ENO4: variants seen among roughly 807,000 people sequenced by gnomAD.
The protein encoded by ENO4 is 2-phospho-D-glycerate hydro-lyase.
In ENO4, 53 loss-of-function variants were observed where a neutral mutation model predicts 63.2. That is an observed-to-expected ratio of 0.84 (90% CI 0.67 to 1.05). The LOEUF (loss-of-function observed/expected upper bound fraction) is 1.05. Ranked by LOEUF, ENO4 falls within the 50% of genes least tolerant of loss-of-function variation. The pLI is 0.00. For synonymous variants in ENO4, 266 were observed against 283.8 expected (o/e 0.94, Z 0.63); for missense variants, 719 against 772.0 (o/e 0.93, Z 0.81).
intron 1 of ENO4, among the ~76,000 whole-genome samples, chr10:116,853,294 CAA>C (rs56885650): frequency 5.2e-5 from 5 of 96,812 alleles, no homozygotes; most frequent in Admixed American, 1.2e-4. Flanking sequence ...GACTCCGTCT[CAA>C]AAAAAAAAAA....
chr10:116,853,585 A>G (rs1004294570), intron 1 of ENO4, among the ~76,000 whole-genome samples: 2 of 152,214 alleles, frequency 1.3e-5, no homozygotes, highest in Admixed American at 6.5e-5. Flanking sequence ...TAAGCACTTC[A>G]AAAATGTTAG....
rs1444878759 is a variant in ENO4, at chr10:116,876,218, A to G, written c.1495A>G (p.Thr499Ala). 2 of 1,549,522 alleles carry G rather than the reference A, an allele frequency of 1.3e-6. No homozygotes were observed. The highest frequency in any genetic ancestry group is 1.2e-5 in the South Asian group (1 of 83,682). The change falls in exon 11 of 14, where the codon ACT becomes GCT. Residue 499 changes from threonine to alanine, a missense_variant. By Grantham distance (58) the Thr-to-Ala change is moderately conservative (BLOSUM62 0). Coordinates refer to ENST00000341276, the MANE Select transcript of ENO4 (RefSeq NM_001242699.2). Reference protein sequence around the residue: ...NGLIIKHTNQTTMSDLVEITN... With the variant: ...NGLIIKHTNQATMSDLVEITN... ...GCTGATCATAAAACACACAAACCAA[A>G]CTACAATGTCTGACTTGGTGGAAAT... is the stretch of plus-strand genomic sequence containing the variant.
At position 116,908,555 on chromosome 10, in the gene ENO4, A is replaced by T. The variant is rs112098201; in HGVS notation, c.1195-2944A>T. Among the ~76,000 whole-genome samples, 806 of 152,330 alleles carry T rather than the reference A, an allele frequency of 5.3e-3. 7 individuals carry two copies. The highest frequency in any genetic ancestry group is 0.019 in the African/African-American group (770 of 41,584). On this transcript the variant is annotated intron_variant, in intron 10 of 10. Coordinates refer to the ENO4 transcript ENST00000369207. Reference sequence around the variant, plus strand: ...TACCATCTCTATCATTTGTAAACAGATATTTGAAAAACACATGGTCATCAC... The same window carrying T: ...TACCATCTCTATCATTTGTAAACAGTTATTTGAAAAACACATGGTCATCAC...
chr10:116,882,630 G>A (rs1421555417), downstream of ENO4: 3 of 152,156 alleles, frequency 2.0e-5, no homozygotes, highest in Non-Finnish European at 2.9e-5. Flanking sequence ...AGGGGAGTTG[G>A]CTAAGTTTAG....
rs755433351 is a variant in ENO4, at chr10:116,856,560, G to C, written c.363G>C (p.Lys121Asn). 2.6e-6 allele frequency: 4 copies of C among 1,536,060 alleles called. No individual in the cohort carries two copies. The African/African-American group carries it at 5.5e-5, about 21-fold the overall frequency. ...VHENALPELA[K>N]AEEAERASAV... ...AGAATGCTCTGCCCGAGCTGGCCAA[G>C]GCGGAGGAGGCAGAGAGGGCCAGCG... The change falls in exon 3 of 14, where the codon AAG (lysine) becomes AAC (asparagine). Residue 121 changes from lysine (K) to asparagine (N), a missense_variant. Coordinates refer to ENST00000341276, the MANE Select transcript of ENO4 (RefSeq NM_001242699.2).
chr10:116,897,322 G>C (rs1847558347), intron 10 of ENO4, among the ~76,000 whole-genome samples: 1 of 152,186 alleles, frequency 6.6e-6, no homozygotes, highest in African/African-American at 2.4e-5. Flanking sequence ...TACACTGAGA[G>C]ACACGTAGCT....
rs1428378166 is a variant in ENO4 at position 116,849,728 on chromosome 10, C to A, written c.162C>A (p.His54Gln). ...FYLQPADVYG[H>Q]LANCFSKLAK... ...TCCAGCCTGCCGACGTCTACGGGCACCTGGTAGGGACCTGGGACAAGCGCT... is the reference window on the plus strand; with the variant it reads ...TCCAGCCTGCCGACGTCTACGGGCAACTGGTAGGGACCTGGGACAAGCGCT... The change falls in exon 1 of 14, where the codon CAC becomes CAA. Residue 54 changes from histidine (H) to glutamine (Q), a missense_variant. Physicochemically the swap from His to Gln is conservative, Grantham distance 24. Around this residue, in one of 3 missense-constraint regions of ENO4, gnomAD observed 544 missense variants for 583.6 expected, o/e 0.93. Coordinates refer to ENST00000341276, the MANE Select transcript of ENO4 (RefSeq NM_001242699.2). 111 of 1,520,884 alleles carry A rather than the reference C, an allele frequency of 7.3e-5. No individual in the cohort carries two copies. The highest frequency in any genetic ancestry group is 9.6e-5 in the Non-Finnish European group (109 of 1,132,106). 94.2% of individuals were successfully genotyped at this position (1,520,884 alleles called of 1,614,324 possible).
Position 116,881,721 on chromosome 10 carries a change from A to G in ENO4, c.*52A>G. The G allele has an allele frequency of 2.3e-6, 3 of 1,322,562 alleles. No homozygotes were observed. The highest frequency in any genetic ancestry group is 2.0e-6 in the Non-Finnish European group (2 of 1,018,302). The allele number at this position is 1,322,562 out of a possible 1,614,324, so 81.9% of individuals were successfully genotyped here. On this transcript the variant is annotated 3_prime_UTR_variant, in exon 14 of 14. Coordinates refer to ENST00000341276, the MANE Select transcript of ENO4 (RefSeq NM_001242699.2). Reference sequence around the variant, plus strand: ...ACACCATCAGTATTAGTAGACCGGGAGGTCTGAAGTACGGCGCCGTGTCTC... The same window carrying G: ...ACACCATCAGTATTAGTAGACCGGGGGGTCTGAAGTACGGCGCCGTGTCTC...
intron 10 of ENO4, chr10:116,906,827 A>G: frequency 6.1e-6 from 7 of 1,140,088 alleles, no homozygotes; most frequent in Non-Finnish European, 8.3e-6. Context: ...CAAACCATGA[A>G]AACATTACCA....
At chr10:116,858,601 C>A (rs1405973126) in intron 3 of ENO4, among the ~76,000 whole-genome samples, 3 of 152,100 alleles carry the variant, frequency 2.0e-5, no homozygotes, top group African/African-American at 7.2e-5. Flanking sequence ...GAAGTCCTCT[C>A]TATTTATATG....
At chr10:116,891,070 CA>C (rs1847329634) in intron 10 of ENO4, among the ~76,000 whole-genome samples, 1 of 152,132 alleles carries the variant, frequency 6.6e-6, no homozygotes, top group Non-Finnish European at 1.5e-5. Flanking sequence ...TGAATACAAT[CA>C]AAGCTCATGA....
At chr10:116,862,695 G>A (rs1846447525) in intron 6 of ENO4, 104 bp from the exon 7 acceptor site, 2 of 740,962 alleles carry the variant, frequency 2.7e-6, no homozygotes, top group Admixed American at 2.3e-5. Flanking sequence ...GCTAATCAGG[G>A]ACTCTACAAA....
At chr10:116,874,908 A>G (rs1846785942) in intron 10 of ENO4, among the ~76,000 whole-genome samples, 1 of 152,142 alleles carries the variant, frequency 6.6e-6, no homozygotes, top group African/African-American at 2.4e-5. Flanking sequence ...TCCTGAGCTC[A>G]GGAGATCCGC....
At chr10:116,901,681 T>C (rs1847743282) in intron 10 of ENO4, 2 of 1,394,990 alleles carry the variant, frequency 1.4e-6, no homozygotes, top group Non-Finnish European at 1.9e-6. Context: ...AAAATCTCTC[T>C]AAAGGAAACA....
chr10:116,868,491 A>G (rs1589757946), intron 7 of ENO4, 159 bp from the exon 8 acceptor site: 5 of 719,452 alleles, frequency 6.9e-6, no homozygotes. Flanking sequence ...GAGTGGCTGG[A>G]ATCATCCCTA....
In ENO4 at chr10:116,855,757, A is replaced by G; in HGVS notation, c.294+6A>G. ...CCATTCAAAACTTTCCCAAGGTATG[A>G]GGCAGTTTAAGTGTGTTCTTTAATG... On this transcript the variant is annotated splice_donor_region_variant and intron_variant, in intron 2 of 13. Transcript: ENST00000341276. The G allele has an allele frequency of 7.8e-6, 12 of 1,532,294 alleles. No individual in the cohort carries two copies. Among genetic ancestry groups the G allele is most frequent in the Non-Finnish European group, 1.0e-5 (12 of 1,143,848 alleles). 94.9% of individuals were successfully genotyped at this position (1,532,294 alleles called of 1,614,324 possible).
chr10:116,879,246 C>G, intron 11 of ENO4, 45 bp from the exon 12 acceptor site: 2 of 1,425,520 alleles, frequency 1.4e-6, no homozygotes, highest in Non-Finnish European at 1.9e-6. Context: ...CACATGTATC[C>G]TAACTTTCTA....
chr10:116,884,230 C>T (rs1222408043), downstream of ENO4: 1 of 457,996 alleles, frequency 2.2e-6, no homozygotes, highest in South Asian at 1.5e-5. Context: ...CCTATGTCTT[C>T]CTATTTGGGA....
intron 8 of ENO4, 56 bp downstream of exon 8, chr10:116,868,762 GCC>G (rs1269288529): frequency 6.8e-7 from 1 of 1,464,764 alleles, no homozygotes; most frequent in African/African-American, 1.4e-5. Flanking sequence ...TAAATTTCCT[GCC>G]CCTTTTTATC....
Sources: allele counts gnomAD v4.1 joint callset (sites outside exome capture counted in the v4.1 genomes callset), GRCh38; gene constraint gnomAD v4.1.1; regional missense constraint gnomAD v4.1.1; transcripts MANE v1.5; gene names NCBI Gene and HGNC (gene_info 2026-07-23, HGNC 2026-07-21).